Variants in PCDHAC1 observed in about 807,000 individuals in gnomAD.
PCDHAC1 encodes protocadherin alpha-C1.
A neutral mutation model predicts 60.0 loss-of-function variants in PCDHAC1; 42 were observed. That is an observed-to-expected ratio of 0.70 (90% CI 0.55 to 0.90). PCDHAC1 has a LOEUF of 0.90. PCDHAC1 is among the 40% of genes least tolerant of loss of function. The probability of loss-of-function intolerance (pLI) is 0.00; values close to 1 mark genes in which losing one functional copy is unlikely to be tolerated. For missense variants in PCDHAC1, 1,160 were observed against 1,222.3 expected, an observed-to-expected ratio of 0.95 and a Z score of 0.76; for synonymous variants, 468 against 499.3, an observed-to-expected ratio of 0.94 and a Z score of 0.84.
chr5:141,006,365 C>A, intron 3 of PCDHAC1, among the ~76,000 whole-genome samples: 1 of 151,966 alleles, frequency 6.6e-6, no homozygotes, highest in East Asian at 1.9e-4. Flanking sequence ...GCGCCCACCA[C>A]CACGCCCGGC....
At chr5:140,945,673 A>G (rs192775886) in intron 1 of PCDHAC1, among the ~76,000 whole-genome samples, 137 of 152,272 alleles carry the variant, frequency 9.0e-4, no homozygotes, top group Middle Eastern at 3.4e-3. Context: ...CCAGAAATAA[A>G]TCCACACAGT....
intron 1 of PCDHAC1, among the ~76,000 whole-genome samples, chr5:140,954,419 T>TG (rs1413660060): frequency 1.3e-5 from 2 of 151,998 alleles, no homozygotes; most frequent in African/African-American, 4.8e-5. Context: ...AAGGTGTTCC[T>TG]TTTTCTCCAT....
chr5:140,997,984 A>G (rs1004761154), intron 3 of PCDHAC1, among the ~76,000 whole-genome samples: 4 of 152,188 alleles, frequency 2.6e-5, no homozygotes, highest in Admixed American at 2.6e-4. Context: ...TGCACTTGTT[A>G]CATACTTCCC....
intron 1 of PCDHAC1, among the ~76,000 whole-genome samples, chr5:140,940,470 AT>A (rs201096499): frequency 2.7e-5 from 4 of 149,646 alleles, no homozygotes; most frequent in South Asian, 2.1e-4. Flanking sequence ...GTTCCCTGCA[AT>A]TTTTTTTTTC....
At position 140,927,317 on chromosome 5, in the gene PCDHAC1, G is replaced by T. The variant is rs782172424; in HGVS notation, c.425G>T (p.Arg142Leu). Residue 142 changes from arginine to leucine, a missense_variant, in exon 1 of 4, where the codon CGC becomes CTC. Arg to Leu is a moderately radical substitution (Grantham distance 102). Coordinates refer to ENST00000253807, the MANE Select transcript of PCDHAC1 (RefSeq NM_018898.5). The part of the protein sequence containing the change: ...HIPEFLTPGA[R>L]FTLPNAQDDD... ...CCCGAGTTCCTGACGCCCGGAGCCC[G>T]CTTTACTCTCCCGAATGCCCAAGAT... The T allele has an allele frequency of 1.9e-6, 3 of 1,614,146 alleles. No individual in the cohort carries two copies. The highest frequency in any genetic ancestry group is 1.7e-5 in the Admixed American group (1 of 60,018).
intron 1 of PCDHAC1, among the ~76,000 whole-genome samples, chr5:140,955,262 C>T (rs1473601347): frequency 1.3e-5 from 2 of 152,044 alleles, no homozygotes; most frequent in African/African-American, 4.8e-5. Flanking sequence ...TATAAAGGCT[C>T]TTTTTTGGTT....
Position 140,969,604 on chromosome 5 carries a change from AAC to A in PCDHAC1, c.2434-9341_2434-9340del. 5.2e-6 allele frequency: 4 copies of A among 765,156 alleles called. No homozygotes were observed. The South Asian group carries it at 6.3e-5, about 12-fold the overall frequency. 47.4% of individuals were successfully genotyped at this position (765,156 alleles called of 1,614,324 possible). A position where few individuals can be genotyped will look rare whatever the true frequency, so the allele number is the denominator to read the frequency against. On this transcript the variant is annotated intron_variant, in intron 1 of 3. Transcript: ENST00000253807. Reference sequence around the variant, plus strand: ...GATTAGTCTTAATATTTAATGCTAAAACACAGATTTGTAGAGAAACAGGACAG... The same window carrying A: ...GATTAGTCTTAATATTTAATGCTAAAACAGATTTGTAGAGAAACAGGACAG...
chr5:140,952,023 C>T (rs183831358), intron 1 of PCDHAC1, among the ~76,000 whole-genome samples: 2 of 152,236 alleles, frequency 1.3e-5, no homozygotes, highest in African/African-American at 2.4e-5. Flanking sequence ...CATGCAAGTC[C>T]GAAATCCAGT....
At chr5:140,962,565 C>G (rs2095693012) in intron 1 of PCDHAC1, among the ~76,000 whole-genome samples, 1 of 152,130 alleles carries the variant, frequency 6.6e-6, no homozygotes, top group African/African-American at 2.4e-5. Flanking sequence ...CCCCTAAAAG[C>G]CAATTGTTAA....
chr5:141,007,722 A>G (rs559470783), intron 3 of PCDHAC1, among the ~76,000 whole-genome samples: 30 of 152,290 alleles, frequency 2.0e-4, no homozygotes, highest in African/African-American at 6.5e-4. Flanking sequence ...ACCAGGGAGA[A>G]CAAAGGTTAA....
chr5:140,990,694 C>T (rs549554926), intron 3 of PCDHAC1, among the ~76,000 whole-genome samples: 10 of 152,108 alleles, frequency 6.6e-5, no homozygotes, highest in Non-Finnish European at 1.5e-4. Context: ...TCGGAGAGTC[C>T]AGATTTATGG....
chr5:140,963,666 ATAGT>A (rs1254219157), intron 1 of PCDHAC1, among the ~76,000 whole-genome samples: 1 of 152,216 alleles, frequency 6.6e-6, no homozygotes, highest in African/African-American at 2.4e-5. Flanking sequence ...CCTATATGGC[ATAGT>A]TAAATGTGTT....
intron 3 of PCDHAC1, among the ~76,000 whole-genome samples, chr5:140,989,861 C>G (rs1449611550): frequency 6.6e-6 from 1 of 152,042 alleles, no homozygotes; most frequent in Non-Finnish European, 1.5e-5. Context: ...GGAGAGGAAT[C>G]TTTCTCTGCC....
At chr5:140,954,427 C>T (rs545024696) in intron 1 of PCDHAC1, among the ~76,000 whole-genome samples, 1 of 152,200 alleles carries the variant, frequency 6.6e-6, no homozygotes, top group Admixed American at 6.5e-5. Context: ...CCTTTTTCTC[C>T]ATCTGTTGTT....
chr5:141,004,274 A>T (rs2098160407), intron 3 of PCDHAC1, among the ~76,000 whole-genome samples: 1 of 152,212 alleles, frequency 6.6e-6, no homozygotes, highest in Admixed American at 6.5e-5. Flanking sequence ...CACAGTCTAC[A>T]TGCTGCTGAG....
At chr5:140,931,519 A>G (rs578009368) in intron 1 of PCDHAC1, among the ~76,000 whole-genome samples, 6 of 152,054 alleles carry the variant, frequency 3.9e-5, no homozygotes, top group Non-Finnish European at 8.8e-5. Flanking sequence ...TGAATGATTA[A>G]CAAAATAATA....
intron 1 of PCDHAC1, among the ~76,000 whole-genome samples, chr5:140,954,349 G>A (rs554018151): frequency 2.0e-4 from 31 of 152,312 alleles, no homozygotes; most frequent in Admixed American, 1.8e-3. Flanking sequence ...AGATCTTTGA[G>A]GAATCGCCAC....
At chr5:140,936,347 G>A (rs2090928614) in intron 1 of PCDHAC1, among the ~76,000 whole-genome samples, 1 of 152,066 alleles carries the variant, frequency 6.6e-6, no homozygotes, top group South Asian at 2.1e-4. Flanking sequence ...CTGCATATAT[G>A]GAATGTGTAG....
intron 3 of PCDHAC1, 22 bp downstream of exon 3, chr5:140,982,585 ATTCT>A: frequency 6.2e-7 from 1 of 1,611,974 alleles, no homozygotes; most frequent in Non-Finnish European, 8.5e-7. Flanking sequence ...GGGTCTCTCC[ATTCT>A]TTCTTGGTTT....
Sources: allele counts gnomAD v4.1 joint callset (sites outside exome capture counted in the v4.1 genomes callset), GRCh38; gene constraint gnomAD v4.1.1; transcripts MANE v1.5; gene names NCBI Gene and HGNC (gene_info 2026-07-23, HGNC 2026-07-21).